Variants in PROM1 observed in about 807,000 individuals in gnomAD.
PROM1 encodes prominin 1.
Under a neutral mutation model 116.9 loss-of-function variants are expected in PROM1, and 105 were observed. The observed-to-expected ratio is 0.90, with a 90% CI of 0.77 to 1.06. The LOEUF (loss-of-function observed/expected upper bound fraction) is 1.06. Among genes scored for constraint, PROM1 ranks in the 50% least tolerant of loss-of-function variants. PROM1 has a pLI of 0.00. For synonymous variants in PROM1, 393 were observed against 387.0 expected (o/e 1.02, Z -0.18); for missense variants, 1,122 against 1,045.2 (o/e 1.07, Z -1.01).
chr4:15,987,096 C>G (rs1719624950), intron 20 of PROM1, among the ~76,000 whole-genome samples: 3 of 152,212 alleles, frequency 2.0e-5, no homozygotes. Flanking sequence ...ACTTCCCCAG[C>G]CAGACGACGA....
chr4:15,976,169 G>T (rs1015917378), intron 26 of PROM1: 3 of 455,482 alleles, frequency 6.6e-6, no homozygotes. Flanking sequence ...TAGAACAATG[G>T]CATTTAATCT....
intron 26 of PROM1, chr4:15,976,091 G>C (rs1190247828): frequency 4.6e-6 from 2 of 438,520 alleles, no homozygotes; most frequent in Non-Finnish European, 9.2e-6. Context: ...ACAAAGACAA[G>C]TCCTTCCAAT....
intron 12 of PROM1, among the ~76,000 whole-genome samples, chr4:16,006,981 G>A (rs1445082004): frequency 6.6e-6 from 1 of 152,124 alleles, no homozygotes; most frequent in East Asian, 1.9e-4. Context: ...GTGTCACACA[G>A]GGTTCATAAG....
At chr4:16,036,755 C>A (rs146908270) in intron 3 of PROM1, among the ~76,000 whole-genome samples, 3 of 152,350 alleles carry the variant, frequency 2.0e-5, no homozygotes, top group Non-Finnish European at 4.4e-5. Flanking sequence ...ACCAACCCAA[C>A]ACACTCAGCC....
chr4:16,014,450 G>C (rs911682574), intron 10 of PROM1, among the ~76,000 whole-genome samples: 16 of 152,178 alleles, frequency 1.1e-4, no homozygotes, highest in African/African-American at 3.6e-4. Flanking sequence ...AACAAATGAA[G>C]TAACACCAGA....
At chr4:15,998,285 A>G (rs1325989583) in intron 15 of PROM1, 100 bp downstream of exon 15, 2 of 1,425,256 alleles carry the variant, frequency 1.4e-6, no homozygotes, top group Non-Finnish European at 9.2e-7. Context: ...TGAAACATGA[A>G]AGTCATATAA....
chr4:15,985,294 A>G (rs1207820287), intron 22 of PROM1, among the ~76,000 whole-genome samples: 1 of 152,180 alleles, frequency 6.6e-6, no homozygotes, highest in East Asian at 1.9e-4. Flanking sequence ...GGATTTTGGT[A>G]TCTGCAGGGG....
intron 4 of PROM1, among the ~76,000 whole-genome samples, chr4:16,034,555 A>T (rs1733558538): frequency 1.3e-5 from 2 of 152,282 alleles, no homozygotes; most frequent in South Asian, 2.1e-4. Flanking sequence ...TGTGACCTAA[A>T]CATATTTTCA....
At chr4:16,005,226 G>C (rs1053662463) in intron 13 of PROM1, among the ~76,000 whole-genome samples, 1 of 152,150 alleles carries the variant, frequency 6.6e-6, no homozygotes, top group African/African-American at 2.4e-5. Flanking sequence ...GCCTCCCAAA[G>C]TGTTGGGATT....
chr4:15,976,694 T>C (rs1345641360), intron 26 of PROM1, among the ~76,000 whole-genome samples: 2 of 152,240 alleles, frequency 1.3e-5, no homozygotes, highest in African/African-American at 4.8e-5. Flanking sequence ...AAAGGCTGTC[T>C]TGTCAACTTG....
At chr4:16,024,705 G>A (rs1036109882) in intron 6 of PROM1, among the ~76,000 whole-genome samples, 2 of 151,996 alleles carry the variant, frequency 1.3e-5, no homozygotes, top group African/African-American at 4.8e-5. Flanking sequence ...GTGTACGTGT[G>A]TGTGTGTATG....
At chr4:15,979,170 C>T (rs778184956) in intron 26 of PROM1, among the ~76,000 whole-genome samples, 1 of 152,160 alleles carries the variant, frequency 6.6e-6, no homozygotes, top group East Asian at 1.9e-4. Flanking sequence ...TAAGATGACA[C>T]CAAATTTTAG....
At chr4:16,039,058 A>G in intron 2 of PROM1, 57 bp from the exon 3 acceptor site, 2 of 1,367,568 alleles carry the variant, frequency 1.5e-6, no homozygotes, top group Non-Finnish European at 1.9e-6. Flanking sequence ...TATAAAATGC[A>G]TATTTAGAAA....
At chr4:15,980,016 A>G (rs1717364106) in intron 24 of PROM1, 112 bp from the exon 25 acceptor site, 1 of 681,708 alleles carries the variant, frequency 1.5e-6, no homozygotes, top group Non-Finnish European at 2.5e-6. Context: ...GTGCAAACTC[A>G]GGAAAGACCC....
At chr4:16,073,291 T>G (rs1743207997) in intron 2 of PROM1, among the ~76,000 whole-genome samples, 1 of 152,200 alleles carries the variant, frequency 6.6e-6, no homozygotes, top group Admixed American at 6.5e-5. Context: ...TACTAAGGTA[T>G]TAAACTAATA....
At chr4:16,063,466 CA>C (rs1740815837) in intron 2 of PROM1, among the ~76,000 whole-genome samples, 1 of 152,060 alleles carries the variant, frequency 6.6e-6, no homozygotes, top group Non-Finnish European at 1.5e-5. Context: ...CATGGTGGCA[CA>C]TGCCTGTAGT....
intron 5 of PROM1, among the ~76,000 whole-genome samples, chr4:16,031,292 G>A (rs1732639033): frequency 6.6e-6 from 1 of 152,094 alleles, no homozygotes; most frequent in African/African-American, 2.4e-5. Context: ...TATGGAGCGG[G>A]TAAACATGGC....
At chr4:16,062,311 C>G (rs992383691) in intron 2 of PROM1, among the ~76,000 whole-genome samples, 10 of 152,158 alleles carry the variant, frequency 6.6e-5, no homozygotes, top group African/African-American at 2.2e-4. Flanking sequence ...AAGTCACATC[C>G]TGAGGTACTT....
chr4:16,078,423 G>A (rs1027267989), intron 1 of PROM1: 3 of 152,276 alleles, frequency 2.0e-5, no homozygotes, highest in Non-Finnish European at 2.9e-5. Flanking sequence ...ATCCAGGTAG[G>A]TGGGTGGAAA....
Sources: allele counts gnomAD v4.1 joint callset (sites outside exome capture counted in the v4.1 genomes callset), GRCh38; gene constraint gnomAD v4.1.1; transcripts MANE v1.5; gene names NCBI Gene and HGNC (gene_info 2026-07-23, HGNC 2026-07-21).